The following KCNIP4 variants were observed in gnomAD, a reference collection of about 807,000 sequenced individuals.
KCNIP4 encodes Kv channel-interacting protein 4.
Under a neutral mutation model 34.0 loss-of-function variants are expected in KCNIP4, and 12 were observed. That is an observed-to-expected ratio of 0.35 (90% CI 0.23 to 0.57). KCNIP4 has a LOEUF of 0.57. KCNIP4 is among the 20% of genes least tolerant of loss of function. The pLI is 0.83. For synonymous variants in KCNIP4, 124 were observed against 102.2 expected, an observed-to-expected ratio of 1.21 and a Z score of -1.29; for missense variants, 238 against 311.7, an observed-to-expected ratio of 0.76 and a Z score of 1.78.
At chr4:21,039,046 G>A (rs1379213227) in intron 1 of KCNIP4, among the ~76,000 whole-genome samples, 2 of 152,132 alleles carry the variant, frequency 1.3e-5, no homozygotes, top group African/African-American at 4.8e-5. Flanking sequence ...GCAGACGTGG[G>A]ATAGCTATAT....
At chr4:21,183,624 T>G (rs747619877) in intron 1 of KCNIP4, among the ~76,000 whole-genome samples, 1 of 152,106 alleles carries the variant, frequency 6.6e-6, no homozygotes, top group Non-Finnish European at 1.5e-5. Context: ...TCCACATATC[T>G]GCCAGTACTT....
chr4:21,561,102 C>T (rs1200777164), intron 1 of KCNIP4, among the ~76,000 whole-genome samples: 2 of 151,978 alleles, frequency 1.3e-5, no homozygotes, highest in South Asian at 2.1e-4. Flanking sequence ...GAGTGTTCTG[C>T]TTTGCCACAG....
At chr4:21,313,530 A>G (rs1274366042) in intron 1 of KCNIP4, among the ~76,000 whole-genome samples, 1 of 152,226 alleles carries the variant, frequency 6.6e-6, no homozygotes, top group East Asian at 1.9e-4. Flanking sequence ...TAAAAAACCT[A>G]TGATAACCAA....
chr4:21,066,569 T>A (rs1744408902), intron 1 of KCNIP4, among the ~76,000 whole-genome samples: 2 of 145,166 alleles, frequency 1.4e-5, no homozygotes, highest in South Asian at 4.9e-4. Context: ...ACTGAGAGAA[T>A]GTCTGCGCCT....
intron 1 of KCNIP4, chr4:21,718,638 T>A (rs1714570837): frequency 6.6e-6 from 1 of 150,814 alleles, no homozygotes; most frequent in African/African-American, 2.4e-5. Context: ...ACACTTAAAG[T>A]TTTATGAAAA....
chr4:21,403,516 T>C (rs1310538781), intron 1 of KCNIP4, among the ~76,000 whole-genome samples: 2 of 152,134 alleles, frequency 1.3e-5, no homozygotes. Flanking sequence ...TGACACTGAG[T>C]ATAACCTCAT....
At chr4:21,050,347 A>G (rs1742812523) in intron 1 of KCNIP4, among the ~76,000 whole-genome samples, 1 of 152,176 alleles carries the variant, frequency 6.6e-6, no homozygotes, top group African/African-American at 2.4e-5. Flanking sequence ...ATATAAAATA[A>G]TTGGAGAGTA....
chr4:21,103,379 A>T (rs1577694532), intron 1 of KCNIP4, among the ~76,000 whole-genome samples: 2 of 146,978 alleles, frequency 1.4e-5, no homozygotes, highest in Non-Finnish European at 3.0e-5. Flanking sequence ...AGATATATAT[A>T]TTTTATATAT....
chr4:21,571,038 C>G (rs372147737), intron 1 of KCNIP4, among the ~76,000 whole-genome samples: 6 of 152,298 alleles, frequency 3.9e-5, no homozygotes, highest in Admixed American at 1.3e-4. Context: ...GACATCTAGA[C>G]TCACATCTCC....
intron 1 of KCNIP4, among the ~76,000 whole-genome samples, chr4:20,939,082 A>G (rs1731372468): frequency 1.3e-5 from 2 of 152,006 alleles, no homozygotes. Context: ...GTTCTGTTGC[A>G]TTAGACACTG....
chr4:21,224,099 CAG>C (rs1008303285), intron 1 of KCNIP4, among the ~76,000 whole-genome samples: 1 of 152,144 alleles, frequency 6.6e-6, no homozygotes, highest in Non-Finnish European at 1.5e-5. Context: ...ACCTCATCCT[CAG>C]TTTTAAGAAT....
At chr4:21,025,698 C>T (rs1443429787) in intron 1 of KCNIP4, among the ~76,000 whole-genome samples, 1 of 151,420 alleles carries the variant, frequency 6.6e-6, no homozygotes, top group Non-Finnish European at 1.5e-5. Context: ...GGACTACAGG[C>T]ACCCACCACC....
intron 1 of KCNIP4, among the ~76,000 whole-genome samples, chr4:21,628,465 T>A (rs2109196280): frequency 6.6e-6 from 1 of 152,244 alleles, no homozygotes; most frequent in South Asian, 2.1e-4. Context: ...GATATACAAA[T>A]TAAAAATGAG....
intron 1 of KCNIP4, among the ~76,000 whole-genome samples, chr4:21,915,671 T>C (rs963319114): frequency 2.0e-5 from 3 of 152,210 alleles, no homozygotes; most frequent in Admixed American, 1.3e-4. Context: ...CCACAAACAT[T>C]TACCTATTAC....
rs374957148 is a variant in KCNIP4, at chr4:21,291,887, G to A, written c.62-409178C>T. Among the ~76,000 whole-genome samples, 8 of 26,468 alleles carry A rather than the reference G, an allele frequency of 3.0e-4. 1 individual carries two copies. The highest frequency in any genetic ancestry group is 1.4e-3 in the African/African-American group (5 of 3,672). 17.4% of individuals were successfully genotyped at this position (26,468 alleles called of 152,430 possible). On this transcript the variant is annotated intron_variant, in intron 1 of 8. Transcript: ENST00000382152. ...AAAAAAAAAGAAAGAAAGAAAGAAA[G>A]AAAGAAAGAAAGAAAGAAAGAAAGA...
chr4:21,075,233 T>C (rs751344639), intron 1 of KCNIP4, among the ~76,000 whole-genome samples: 2 of 152,112 alleles, frequency 1.3e-5, no homozygotes, highest in Non-Finnish European at 2.9e-5. Flanking sequence ...ATGTTGACAG[T>C]GGGGTGTTAA....
intron 1 of KCNIP4, among the ~76,000 whole-genome samples, chr4:21,745,299 G>A (rs1206690114): frequency 1.3e-5 from 2 of 152,144 alleles, no homozygotes; most frequent in Admixed American, 6.6e-5. Context: ...TAAGATTACC[G>A]TAGAATTTCA....
chr4:21,714,782 TTTGA>T (rs1314138618), intron 1 of KCNIP4, among the ~76,000 whole-genome samples: 9 of 47,378 alleles, frequency 1.9e-4, no homozygotes, highest in African/African-American at 6.9e-4. Context: ...GTAATTTCCC[TTTGA>T]TTATTTTATT....
At chr4:21,549,498 T>C (rs77638989) in intron 1 of KCNIP4, among the ~76,000 whole-genome samples, 2 of 152,106 alleles carry the variant, frequency 1.3e-5, no homozygotes, top group African/African-American at 4.8e-5. Flanking sequence ...TCATATGACA[T>C]GCCTGCTCCC....
Sources: allele counts gnomAD v4.1 joint callset (sites outside exome capture counted in the v4.1 genomes callset), GRCh38; gene constraint gnomAD v4.1.1; transcripts MANE v1.5; gene names NCBI Gene and HGNC (gene_info 2026-07-23, HGNC 2026-07-21).